The following EMG1 variants were observed in gnomAD, a reference collection of about 807,000 sequenced individuals.
The protein encoded by EMG1 is ribosomal RNA small subunit methyltransferase NEP1.
A neutral mutation model predicts 26.9 loss-of-function variants in EMG1; 24 were observed. The observed-to-expected ratio is 0.89, with a 90% CI of 0.65 to 1.26. The LOEUF (loss-of-function observed/expected upper bound fraction) is 1.26. Among genes scored for constraint, EMG1 ranks in the 50% most tolerant of loss-of-function variants. The pLI is 0.00. For synonymous variants in EMG1, 140 were observed against 112.6 expected, an observed-to-expected ratio of 1.24 and a Z score of -1.54; for missense variants, 299 against 307.6, an observed-to-expected ratio of 0.97 and a Z score of 0.21.
Position 6,975,997 on chromosome 12 carries a change from C to T in EMG1, c.*188C>T, listed in dbSNP as rs1946395415. 3.6e-6 allele frequency: 2 copies of T among 559,722 alleles called. No individual in the cohort carries two copies. Among genetic ancestry groups the T allele is most frequent in the Non-Finnish European group, 6.4e-6 (2 of 313,560 alleles). 34.7% of individuals were successfully genotyped at this position (559,722 alleles called of 1,614,324 possible). The stretch of plus-strand genomic sequence containing the variant: ...TGCAAACCTGGTTGTTTTGGGGTTC[C>T]TAAAGTATCCAGTGGTGTAAAACTG... On this transcript the variant is annotated 3_prime_UTR_variant, in exon 6 of 6. Transcript: ENST00000599672.
rs782514016 is a variant in EMG1 at position 6,977,768 on chromosome 12, C to T, written c.*1959C>T. The T allele has an allele frequency of 2.2e-5, 36 of 1,613,220 alleles. No individual in the cohort carries two copies. Among genetic ancestry groups the T allele is most frequent in the East Asian group, 4.5e-5 (2 of 44,880 alleles). Reference sequence around the variant, plus strand: ...TAGCTGGAGAAAAGGGTGGGTGGGGCGACCCTCAAACTGACTGGTCCTTGC... The same window carrying T: ...TAGCTGGAGAAAAGGGTGGGTGGGGTGACCCTCAAACTGACTGGTCCTTGC... On this transcript the variant is annotated 3_prime_UTR_variant, in exon 6 of 6. Transcript: ENST00000599672. This position sits in a 1 kb window ranked among gnomAD's most constrained non-coding sequence, Gnocchi z 4.5.
rs1555153785 is a variant in EMG1 at position 6,979,478 on chromosome 12, T to A, written c.*3669T>A. 6.2e-7 allele frequency: 1 copy of A among 1,610,360 alleles called. No individual in the cohort carries two copies. Among genetic ancestry groups the A allele is most frequent in the Non-Finnish European group, 8.5e-7 (1 of 1,176,556 alleles). On this transcript the variant is annotated 3_prime_UTR_variant, in exon 6 of 6. Transcript: ENST00000599672. ...GCTTTAGTAGACACTCACGTCATAG[T>A]CTTCAGTGAGGAGATAGTCTTCTGT...
chr12:6,989,632 A>ATTT (rs1227694663), downstream of EMG1, among the ~76,000 whole-genome samples: 1 of 152,016 alleles, frequency 6.6e-6, no homozygotes, highest in Non-Finnish European at 1.5e-5. Flanking sequence ...GCTGGGATAC[A>ATTT]TTTAATTTGT....
chr12:6,991,337 T>C (rs1407669798), downstream of EMG1, among the ~76,000 whole-genome samples: 3 of 152,262 alleles, frequency 2.0e-5, no homozygotes, highest in Admixed American at 1.3e-4. Context: ...TTAGGAACTT[T>C]TGTTATAATA....
chr12:6,975,479 G>C, intron 5 of EMG1, 101 bp downstream of exon 5: 1 of 1,302,502 alleles, frequency 7.7e-7, no homozygotes, highest in Admixed American at 2.4e-5. Context: ...TGAGCTAGAA[G>C]ACACATGACA....
At position 6,979,243 on chromosome 12, in the gene EMG1, G is replaced by A. The variant is rs781935639; in HGVS notation, c.*3434G>A. On this transcript the variant is annotated 3_prime_UTR_variant, in exon 6 of 6. Coordinates refer to ENST00000599672, the MANE Select transcript of EMG1 (RefSeq NM_006331.8). ...AGGAGCGGCTCCTAGAGAAGGCAAC[G>A]GGTGCTAAATGTGCACCTGGCACAG... The A allele has an allele frequency of 5.9e-5, 33 of 556,940 alleles. No homozygotes were observed. In the East Asian group the frequency reaches 8.7e-4, roughly 15 times the overall value. 34.5% of individuals were successfully genotyped at this position (556,940 alleles called of 1,614,324 possible).
rs1555153470 is a variant in EMG1, at chr12:6,977,608, A to G, written c.*1799A>G. 1.9e-6 allele frequency: 3 copies of G among 1,614,152 alleles called. No homozygotes were observed. Among genetic ancestry groups the G allele is most frequent in the South Asian group, 2.2e-5 (2 of 91,078 alleles). ...ACCCTGGAGGCCTACCTGTCTTTCC[A>G]CAATAACAATGAGGAATTCCATCTG... On this transcript the variant is annotated 3_prime_UTR_variant, in exon 6 of 6. Coordinates refer to ENST00000599672, the MANE Select transcript of EMG1 (RefSeq NM_006331.8). This position sits in a 1 kb window ranked among gnomAD's most constrained non-coding sequence, Gnocchi z 4.5.
chr12:6,973,673 G>A (rs1946359184), intron 1 of EMG1, among the ~76,000 whole-genome samples: 1 of 152,086 alleles, frequency 6.6e-6, no homozygotes, highest in Non-Finnish European at 1.5e-5. Context: ...CTCCCAAGTA[G>A]CTGGGACTAC....
At chr12:6,991,417 G>T (rs1555155494), downstream of EMG1, among the ~76,000 whole-genome samples, 3 of 152,136 alleles carry the variant, frequency 2.0e-5, no homozygotes. Context: ...ATCACACATA[G>T]ATCACTGCAA....
At position 6,977,385 on chromosome 12, in the gene EMG1, C is replaced by T. The variant is rs146704427; in HGVS notation, c.*1576C>T. 3.8e-5 allele frequency: 61 copies of T among 1,614,050 alleles called. No individual in the cohort carries two copies. The highest frequency in any genetic ancestry group is 3.4e-4 in the South Asian group (31 of 91,088). ...CACTTGCCTTAAGCCATTTGTCCCA[C>T]GTGAAGAGGCAGAAGGCAGTCATGG... On this transcript the variant is annotated 3_prime_UTR_variant, in exon 6 of 6. Transcript: ENST00000599672. This position sits in a 1 kb window ranked among gnomAD's most constrained non-coding sequence, Gnocchi z 4.5.
At position 6,987,941 on chromosome 12, in the gene EMG1, T is replaced by C; in HGVS notation, c.*211+103T>C. On this transcript the variant is annotated intron_variant and NMD_transcript_variant, in intron 7 of 7. Coordinates refer to the EMG1 transcript ENST00000261406. This position sits in a 1 kb window ranked among gnomAD's most constrained non-coding sequence, Gnocchi z 4.1. ...GCCTGTCTGTCCCTTTCCTTGCTAC[T>C]CTGGGATCAACAGTCACCTCTTGAA... is the stretch of plus-strand genomic sequence containing the variant. 2.5e-6 allele frequency: 1 copy of C among 399,278 alleles called. No individual in the cohort carries two copies. The highest frequency in any genetic ancestry group is 4.4e-6 in the Non-Finnish European group (1 of 225,522). 24.7% of individuals were successfully genotyped at this position (399,278 alleles called of 1,614,324 possible). A position where few individuals can be genotyped will look rare whatever the true frequency, so the allele number is the denominator to read the frequency against.
chr12:6,984,968 T>G (rs1555154612), intron 6 of EMG1, among the ~76,000 whole-genome samples: 4 of 151,944 alleles, frequency 2.6e-5, no homozygotes, highest in Non-Finnish European at 5.9e-5. Context: ...TGCTTAACTC[T>G]AAAACGCTTA....
chr12:6,971,006 A>C lies in EMG1; in HGVS notation c.83A>C (p.Lys28Thr), dbSNP rs1003756868. 6.2e-7 allele frequency: 1 copy of C among 1,611,782 alleles called. No homozygotes were observed. ...CAGGACTGGGATGCTCTGCCACCCA[A>C]GCGGCCCCGACTAGGGGCAGGAAAC... ...QAQDWDALPP[K>T]RPRLGAGNKI... The change falls in exon 1 of 6, where the codon AAG (lysine) becomes ACG (threonine). Residue 28 changes from lysine to threonine, a missense_variant. Physicochemically the swap from Lys to Thr is moderately conservative, Grantham distance 78 (BLOSUM62 -1). Coordinates refer to ENST00000599672, the MANE Select transcript of EMG1 (RefSeq NM_006331.8).
chr12:6,990,210 A>G (rs782339081), downstream of EMG1, among the ~76,000 whole-genome samples: 50 of 149,284 alleles, frequency 3.3e-4, no homozygotes, highest in Non-Finnish European at 6.6e-4. Context: ...ATAAATAAAT[A>G]AAAATAAAAA....
chr12:6,979,420 A>G lies in EMG1; in HGVS notation c.*3611A>G. Reference sequence around the variant, plus strand: ...TATCTGTAGGGATCCTTGCCTGTCCATTTTCTAGCTCTGGTGCAGTCATGC... The same window carrying G: ...TATCTGTAGGGATCCTTGCCTGTCCGTTTTCTAGCTCTGGTGCAGTCATGC... On this transcript the variant is annotated 3_prime_UTR_variant, in exon 6 of 6. Coordinates refer to ENST00000599672, the MANE Select transcript of EMG1 (RefSeq NM_006331.8). The G allele has an allele frequency of 7.3e-7, 1 of 1,368,694 alleles. No homozygotes were observed. Among genetic ancestry groups the G allele is most frequent in the Non-Finnish European group, 1.0e-6 (1 of 958,010 alleles). The allele number at this position is 1,368,694 out of a possible 1,614,324, so 84.8% of individuals were successfully genotyped here.
In EMG1 at chr12:6,985,072, A is replaced by AT. The variant is rs374834474; in HGVS notation, c.*154+1871dup. Among the ~76,000 whole-genome samples the AT allele has an allele frequency of 1.5e-3, 204 of 133,796 alleles. 1 individual carries two copies. Among genetic ancestry groups the AT allele is most frequent in the African/African-American group, 5.6e-3 (196 of 34,906 alleles). The allele number at this position is 133,796 out of a possible 152,430, so 87.8% of individuals were successfully genotyped here. On this transcript the variant is annotated intron_variant and NMD_transcript_variant, in intron 6 of 7. Coordinates refer to the EMG1 transcript ENST00000261406. ...TATGTTGGTTTCTGTCCTTCTAGTC[A>AT]TTTTTCCCCCATACATTAAAAAAAA...
In EMG1 at chr12:6,977,533, GGGA is replaced by G. The variant is rs1262131408; in HGVS notation, c.*1732_*1734del. ...TTGAATGAGCCTGGCAGCCTGGGGA[GGGA>G]GGAGGAGCTCATCAGCATCTTGTCC... On this transcript the variant is annotated 3_prime_UTR_variant, in exon 6 of 6. Transcript: ENST00000599672. The surrounding 1 kb of genome is among the most constrained non-coding windows in gnomAD (Gnocchi z 4.5). 1 of 1,614,170 alleles carries G rather than the reference GGGA, an allele frequency of 6.2e-7. No homozygotes were observed. Among genetic ancestry groups the G allele is most frequent in the Non-Finnish European group, 8.5e-7 (1 of 1,180,032 alleles).
chr12:6,989,311 GTGTT>G (rs1360663833), downstream of EMG1, among the ~76,000 whole-genome samples: 1 of 143,752 alleles, frequency 7.0e-6, no homozygotes. Flanking sequence ...TTCAAAATGC[GTGTT>G]TTTTTTTTTT....
At chr12:6,974,887 C>A in intron 3 of EMG1, 194 bp downstream of exon 3, 2 of 802,502 alleles carry the variant, frequency 2.5e-6, no homozygotes, top group South Asian at 1.7e-5. Flanking sequence ...AGCTTCCTGG[C>A]TGAGTGAAAG....
Sources: allele counts gnomAD v4.1 joint callset (sites outside exome capture counted in the v4.1 genomes callset), GRCh38; gene constraint gnomAD v4.1.1; non-coding constraint Gnocchi (gnomAD v3.1); transcripts MANE v1.5; gene names NCBI Gene and HGNC (gene_info 2026-07-23, HGNC 2026-07-21).